DAB1: variants seen among roughly 807,000 people sequenced by gnomAD.
DAB1 encodes the protein DAB adaptor protein 1.
Under a neutral mutation model 64.6 loss-of-function variants are expected in DAB1, and 15 were observed. That is an observed-to-expected ratio of 0.23 (90% CI 0.16 to 0.36). The LOEUF (loss-of-function observed/expected upper bound fraction) is 0.36, where lower values mean the gene tolerates loss of function less well. Ranked by LOEUF, DAB1 falls within the 10% of genes least tolerant of loss-of-function variation. DAB1 has a pLI of 1.00. For missense variants in DAB1, 596 were observed against 706.7 expected (o/e 0.84, Z 1.78); for synonymous variants, 235 against 251.9 (o/e 0.93, Z 0.64).
intron 5 of DAB1, among the ~76,000 whole-genome samples, chr1:57,936,540 C>T (rs527518010): frequency 1.5e-4 from 23 of 152,084 alleles, no homozygotes; most frequent in African/African-American, 5.3e-4. Flanking sequence ...TACAGGCAGC[C>T]GCCACCACGC....
rs147425925 is a variant in DAB1, at chr1:58,439,583, A to G, written n.257+66477T>C. On this transcript the variant is annotated intron_variant and non_coding_transcript_variant, in intron 3 of 20. Transcript: ENST00000485760. ...CTACTTGCTTACTCTGTGCGAGACC[A>G]CTGGCCCCAGCATTTTACATGCTAT... is the stretch of plus-strand genomic sequence containing the variant. 3.9e-5 allele frequency among the ~76,000 whole-genome samples: 6 copies of G among 152,332 alleles called. No individual in the cohort carries two copies. In the East Asian group the frequency reaches 1.2e-3, roughly 29 times the overall value.
intron 7 of DAB1, among the ~76,000 whole-genome samples, chr1:57,522,779 T>C (rs1452562264): frequency 6.6e-6 from 1 of 152,204 alleles, no homozygotes; most frequent in Non-Finnish European, 1.5e-5. Flanking sequence ...GGATGGACAC[T>C]ATCTAATCAG....
chr1:57,509,977 A>G (rs1279212415), intron 7 of DAB1, among the ~76,000 whole-genome samples: 2 of 152,220 alleles, frequency 1.3e-5, no homozygotes, highest in Non-Finnish European at 2.9e-5. Flanking sequence ...AGATGGAAGT[A>G]AAGTACTTCC....
intron 3 of DAB1, among the ~76,000 whole-genome samples, chr1:58,484,990 ACATTTGT>A (rs955146666): frequency 2.6e-5 from 4 of 152,094 alleles, no homozygotes; most frequent in Admixed American, 1.3e-4. Flanking sequence ...ATGTCATTAT[ACATTTGT>A]CAAAATGCAC....
chr1:58,531,724 T>G (rs921269864), intron 1 of DAB1, among the ~76,000 whole-genome samples: 149 of 147,066 alleles, frequency 1.0e-3, no homozygotes, highest in African/African-American at 3.8e-3. Flanking sequence ...ATCTTTTTTT[T>G]TTTGAGACAG....
chr1:58,291,633 C>G (rs1661839822), intron 4 of DAB1, among the ~76,000 whole-genome samples: 1 of 152,168 alleles, frequency 6.6e-6, no homozygotes, highest in African/African-American at 2.4e-5. Context: ...CTAACACTTA[C>G]TGAATGTTTA....
chr1:58,083,390 C>T (rs1296393545), intron 5 of DAB1, among the ~76,000 whole-genome samples: 1 of 152,316 alleles, frequency 6.6e-6, no homozygotes, highest in Middle Eastern at 3.4e-3. Flanking sequence ...CCAAGGCACT[C>T]TAGTATTATG....
At chr1:57,570,708 G>A (rs1645184409) in intron 7 of DAB1, among the ~76,000 whole-genome samples, 2 of 152,078 alleles carry the variant, frequency 1.3e-5, no homozygotes, top group Admixed American at 1.3e-4. Context: ...CAAACAACTA[G>A]GATTATTTTT....
At chr1:57,851,157 G>A (rs1653506378) in intron 1 of DAB1, among the ~76,000 whole-genome samples, 1 of 152,112 alleles carries the variant, frequency 6.6e-6, no homozygotes, top group Non-Finnish European at 1.5e-5. Flanking sequence ...AATTCCCATG[G>A]GTCAAATCGA....
intron 5 of DAB1, among the ~76,000 whole-genome samples, chr1:58,126,604 C>A (rs1424544440): frequency 1.3e-5 from 2 of 149,924 alleles, no homozygotes; most frequent in African/African-American, 2.5e-5. Context: ...TATCCCTCCC[C>A]CCCTACCCCC....
chr1:57,234,124 C>T (rs999808650), intron 2 of DAB1, among the ~76,000 whole-genome samples: 17 of 152,140 alleles, frequency 1.1e-4, no homozygotes, highest in African/African-American at 4.1e-4. Flanking sequence ...GGTACTATTG[C>T]TTGTACAAAT....
At chr1:57,695,384 GAAAGAAAGAAAGAAAGAAAGAAAGA>G (rs1646826390) in intron 6 of DAB1, among the ~76,000 whole-genome samples, 20 of 75,164 alleles carry the variant, frequency 2.7e-4, no homozygotes, top group African/African-American at 5.0e-4. Context: ...AAGAAAGAAA[GAAAGAAAGAAAGAAAGAAAGAAAGA>G]AAGAAAGAAA....
chr1:57,789,438 C>A (rs902430002), intron 6 of DAB1, among the ~76,000 whole-genome samples: 2 of 152,164 alleles, frequency 1.3e-5, no homozygotes, highest in Non-Finnish European at 2.9e-5. Context: ...CAACAGAAAT[C>A]TATTTCCCAC....
chr1:57,425,354 G>T (rs537235099), upstream of DAB1, among the ~76,000 whole-genome samples: 1 of 152,042 alleles, frequency 6.6e-6, no homozygotes, highest in East Asian at 2.0e-4. Flanking sequence ...TCTGTTTTGG[G>T]GTGTTTTTTT....
chr1:57,949,977 T>C (rs1397186205), intron 5 of DAB1, among the ~76,000 whole-genome samples: 1 of 152,206 alleles, frequency 6.6e-6, no homozygotes, highest in African/African-American at 2.4e-5. Flanking sequence ...GACTATCATG[T>C]TGTCCCAAGG....
At chr1:58,395,228 G>T (rs566154220) in intron 3 of DAB1, among the ~76,000 whole-genome samples, 3 of 152,184 alleles carry the variant, frequency 2.0e-5, no homozygotes, top group African/African-American at 7.2e-5. Flanking sequence ...GGTTCAGTGG[G>T]GCTTGCCCTT....
At chr1:57,914,985 A>T (rs944388508) in intron 5 of DAB1, among the ~76,000 whole-genome samples, 2 of 152,172 alleles carry the variant, frequency 1.3e-5, no homozygotes, top group Admixed American at 6.5e-5. Flanking sequence ...TGAAAAATGT[A>T]TCTTACTATG....
At chr1:57,590,735 AACACAC>A (rs58957864) in intron 7 of DAB1, among the ~76,000 whole-genome samples, 8,740 of 132,330 alleles carry the variant, frequency 0.066, 310 homozygotes, top group African/African-American at 0.095. Flanking sequence ...TGTAGTCCGT[AACACAC>A]ACACACACAC....
intron 9 of DAB1, among the ~76,000 whole-genome samples, chr1:57,046,675 A>ACAG (rs1252130236): frequency 7.2e-5 from 11 of 152,216 alleles, no homozygotes; most frequent in Admixed American, 5.2e-4. Context: ...TGACAGACTC[A>ACAG]CAGCAGCAGC....
Sources: allele counts gnomAD v4.1 joint callset (sites outside exome capture counted in the v4.1 genomes callset), GRCh38; gene constraint gnomAD v4.1.1; transcripts MANE v1.5; gene names NCBI Gene and HGNC (gene_info 2026-07-23, HGNC 2026-07-21).